RBMS1: variants seen among roughly 807,000 people sequenced by gnomAD.
The protein encoded by RBMS1 is RNA binding motif single stranded interacting protein 1.
In RBMS1, 17 loss-of-function variants were observed where a neutral mutation model predicts 62.3. That is an observed-to-expected ratio of 0.27 (90% CI 0.19 to 0.41). The LOEUF (loss-of-function observed/expected upper bound fraction) is 0.41, where lower values mean the gene tolerates loss of function less well. RBMS1 is among the 10% of genes least tolerant of loss of function. The pLI is 1.00. For synonymous variants in RBMS1, 172 were observed against 170.0 expected, an observed-to-expected ratio of 1.01 and a Z score of -0.09; for missense variants, 334 against 504.5, an observed-to-expected ratio of 0.66 and a Z score of 3.24.
chr2:160,434,584 G>T (rs1683038791), intron 1 of RBMS1, among the ~76,000 whole-genome samples: 1 of 152,096 alleles, frequency 6.6e-6, no homozygotes. Flanking sequence ...TTCTACATCT[G>T]CAGTAATACA....
intron 1 of RBMS1, among the ~76,000 whole-genome samples, chr2:160,471,432 A>T (rs1398523924): frequency 2.0e-5 from 3 of 151,828 alleles, no homozygotes; most frequent in African/African-American, 4.8e-5. Context: ...TTTAAAGGAG[A>T]TATTTTAAGT....
chr2:160,367,064 G>A, intron 2 of RBMS1, 152 bp downstream of exon 2: 1 of 625,926 alleles, frequency 1.6e-6, no homozygotes, highest in Non-Finnish European at 2.5e-6. Context: ...AAGTATTTAA[G>A]AAGTTAAAAC....
chr2:160,278,835 T>C, intron 10 of RBMS1, 177 bp from the exon 11 acceptor site: 1 of 546,756 alleles, frequency 1.8e-6, no homozygotes, highest in Non-Finnish European at 3.2e-6. Context: ...TAAATTGCTC[T>C]TCCTGAGAGT....
intron 4 of RBMS1, among the ~76,000 whole-genome samples, chr2:160,306,004 C>G (rs938332339): frequency 2.0e-5 from 3 of 152,072 alleles, no homozygotes; most frequent in Admixed American, 2.0e-4. Flanking sequence ...TGGTGCCCAT[C>G]TGTAGTCCCA....
chr2:160,390,424 C>T (rs1694796433), intron 1 of RBMS1, among the ~76,000 whole-genome samples: 1 of 152,232 alleles, frequency 6.6e-6, no homozygotes, highest in Non-Finnish European at 1.5e-5. Flanking sequence ...AGACTGATGG[C>T]TCATGCCTGT....
At chr2:160,333,281 A>G (rs992809458) in intron 2 of RBMS1, among the ~76,000 whole-genome samples, 3 of 152,356 alleles carry the variant, frequency 2.0e-5, no homozygotes, top group Admixed American at 2.0e-4. Context: ...AATAATTCCC[A>G]TTCTCTTGTT....
intron 1 of RBMS1, among the ~76,000 whole-genome samples, chr2:160,447,755 A>T (rs1035749661): frequency 2.0e-5 from 3 of 152,212 alleles, no homozygotes; most frequent in African/African-American, 7.2e-5. Flanking sequence ...CTAAAATGGT[A>T]CTTGAAAATC....
Position 160,273,453 on chromosome 2 carries a change from G to A in RBMS1, c.*1319C>T, listed in dbSNP as rs1687672963. On this transcript the variant is annotated 3_prime_UTR_variant, in exon 14 of 14. Coordinates refer to ENST00000348849, the MANE Select transcript of RBMS1 (RefSeq NM_016836.4). ...GGTTACTGGCTCTTCGGTCTTTGGTGAAGTTACCTTTAAAAGTGCCAAGTC... is the reference window on the plus strand; with the variant it reads ...GGTTACTGGCTCTTCGGTCTTTGGTAAAGTTACCTTTAAAAGTGCCAAGTC... The A allele has an allele frequency of 6.6e-6, 1 of 152,220 alleles. No individual in the cohort carries two copies. The allele number at this position is 152,220 out of a possible 1,614,324, so 9.4% of individuals were successfully genotyped here.
chr2:160,449,004 G>A (rs965367418), intron 1 of RBMS1, among the ~76,000 whole-genome samples: 2 of 151,532 alleles, frequency 1.3e-5, no homozygotes, highest in Non-Finnish European at 2.9e-5. Flanking sequence ...TGGGAGGTGA[G>A]GAGTGTGTCT....
At chr2:160,431,964 CATT>C (rs1192217555) in intron 1 of RBMS1, among the ~76,000 whole-genome samples, 1 of 152,150 alleles carries the variant, frequency 6.6e-6, no homozygotes, top group Non-Finnish European at 1.5e-5. Flanking sequence ...CTTTCTGCCT[CATT>C]ATAAAAGCTC....
intron 2 of RBMS1, among the ~76,000 whole-genome samples, chr2:160,339,262 A>G (rs1691737657): frequency 6.6e-6 from 1 of 152,210 alleles, no homozygotes; most frequent in African/African-American, 2.4e-5. Context: ...AGTCCACTGA[A>G]ACAAATGTTT....
chr2:160,488,390 A>G (rs547740674), intron 1 of RBMS1, among the ~76,000 whole-genome samples: 4 of 152,316 alleles, frequency 2.6e-5, no homozygotes, highest in Admixed American at 6.5e-5. Flanking sequence ...AGCCTGGCCA[A>G]CGTAGTGAAA....
intron 1 of RBMS1, among the ~76,000 whole-genome samples, chr2:160,452,125 G>A (rs1275993478): frequency 6.6e-6 from 1 of 152,098 alleles, no homozygotes; most frequent in Non-Finnish European, 1.5e-5. Flanking sequence ...CCATGGGGAT[G>A]TGATCTAGTT....
chr2:160,293,789 T>A (rs191605543), intron 6 of RBMS1, among the ~76,000 whole-genome samples: 8 of 152,326 alleles, frequency 5.3e-5, no homozygotes, highest in African/African-American at 1.4e-4. Flanking sequence ...TCTCAAAGAC[T>A]GTACTCTCTT....
At chr2:160,356,897 A>T (rs1173269830) in intron 2 of RBMS1, among the ~76,000 whole-genome samples, 3 of 152,128 alleles carry the variant, frequency 2.0e-5, no homozygotes, top group Non-Finnish European at 4.4e-5. Flanking sequence ...GCATTAGACA[A>T]TTTTTGGCTG....
intron 1 of RBMS1, among the ~76,000 whole-genome samples, chr2:160,443,956 A>G (rs1683531296): frequency 6.6e-6 from 1 of 152,152 alleles, no homozygotes; most frequent in Non-Finnish European, 1.5e-5. Flanking sequence ...TTCTGGTAAG[A>G]TGTCAACTGC....
At chr2:160,291,376 G>A (rs889180494) in intron 6 of RBMS1, among the ~76,000 whole-genome samples, 1 of 152,152 alleles carries the variant, frequency 6.6e-6, no homozygotes, top group Non-Finnish European at 1.5e-5. Flanking sequence ...ACTGTAATTA[G>A]CTTTCTTTCT....
intron 6 of RBMS1, among the ~76,000 whole-genome samples, chr2:160,291,550 A>C (rs1230700633): frequency 6.6e-6 from 1 of 151,878 alleles, no homozygotes; most frequent in African/African-American, 2.4e-5. Context: ...AATTCTGTTG[A>C]CCTATTCAAC....
chr2:160,426,682 G>C (rs1235409312), intron 1 of RBMS1, among the ~76,000 whole-genome samples: 2 of 152,060 alleles, frequency 1.3e-5, no homozygotes, highest in African/African-American at 4.8e-5. Context: ...TTTGCTATTA[G>C]AAGCCAACAG....
Sources: gnomAD v4.1 joint callset for allele counts (sites outside exome capture counted in the v4.1 genomes callset) on GRCh38, gnomAD v4.1.1 for gene constraint, MANE v1.5 for transcripts, NCBI Gene and HGNC (gene_info 2026-07-23, HGNC 2026-07-21) for gene names.